Variants in EPM2A observed in about 807,000 individuals in gnomAD.
EPM2A encodes EPM2A glucan phosphatase, laforin.
EPM2A carries 21 observed loss-of-function variants against 26.5 expected under a neutral mutation model. That is an observed-to-expected ratio of 0.79 (90% confidence interval 0.56 to 1.14). The LOEUF (loss-of-function observed/expected upper bound fraction) is 1.14. EPM2A is among the 50% of genes most tolerant of loss of function. EPM2A has a pLI of 0.00. For synonymous variants in EPM2A, 217 were observed against 177.6 expected (o/e 1.22, Z -1.76); for missense variants, 458 against 440.8 (o/e 1.04, Z -0.35).
rs147545460 is a variant in EPM2A, at chr6:145,539,775, A to G, written c.341-37200T>C. ...TGCTTTGATGTATGGGGTCTTGCTGATCCTGAAGGGCTACCTCTCCCAGGG... is the reference window on the plus strand; with the variant it reads ...TGCTTTGATGTATGGGGTCTTGCTGGTCCTGAAGGGCTACCTCTCCCAGGG... On this transcript the variant is annotated intron_variant, in intron 2 of 3. Transcript: ENST00000450221. Among the ~76,000 whole-genome samples the G allele has an allele frequency of 1.5e-3, 229 of 152,242 alleles. 3 individuals carry two copies. Among genetic ancestry groups the G allele is most frequent in the African/African-American group, 5.3e-3 (222 of 41,540 alleles).
chr6:145,477,702 C>T (rs2114730618), intron 4 of EPM2A, among the ~76,000 whole-genome samples: 1 of 151,896 alleles, frequency 6.6e-6, no homozygotes, highest in Non-Finnish European at 1.5e-5. Flanking sequence ...TCAATTGATG[C>T]TGGAAAAGCA....
At chr6:145,404,627 A>G (rs1778541896) in intron 4 of EPM2A, among the ~76,000 whole-genome samples, 1 of 152,144 alleles carries the variant, frequency 6.6e-6, no homozygotes, top group African/African-American at 2.4e-5. Flanking sequence ...CTTTTAAATT[A>G]ACACCAAAGC....
At chr6:145,716,667 C>T (rs1467365468) in intron 1 of EPM2A, among the ~76,000 whole-genome samples, 3 of 152,044 alleles carry the variant, frequency 2.0e-5, no homozygotes, top group South Asian at 2.1e-4. Flanking sequence ...AGGATTCCTT[C>T]ACCCCAAAAT....
At chr6:145,448,822 A>G (rs1779156653) in intron 4 of EPM2A, among the ~76,000 whole-genome samples, 1 of 152,194 alleles carries the variant, frequency 6.6e-6, no homozygotes, top group Admixed American at 6.5e-5. Context: ...TTATTTTTAA[A>G]TAAAAAATAA....
intron 2 of EPM2A, among the ~76,000 whole-genome samples, chr6:145,539,958 C>T (rs576195034): frequency 1.3e-5 from 2 of 152,252 alleles, no homozygotes; most frequent in South Asian, 2.1e-4. Flanking sequence ...TTAGGCAACT[C>T]GAAACAGCTA....
At chr6:145,650,108 A>C (rs1313199215) in intron 2 of EPM2A, among the ~76,000 whole-genome samples, 1 of 151,910 alleles carries the variant, frequency 6.6e-6, no homozygotes, top group Non-Finnish European at 1.5e-5. Context: ...TGAGGATCAC[A>C]GATAGAAGAG....
intron 1 of EPM2A, among the ~76,000 whole-genome samples, chr6:145,732,617 T>G (rs549134468): frequency 6.6e-6 from 1 of 152,254 alleles, no homozygotes; most frequent in Admixed American, 6.5e-5. Flanking sequence ...TTAAATAAGT[T>G]GTAGAAGAAC....
chr6:145,466,362 C>T (rs1376784431), intron 4 of EPM2A, among the ~76,000 whole-genome samples: 1 of 152,178 alleles, frequency 6.6e-6, no homozygotes, highest in African/African-American at 2.4e-5. Context: ...CAAAGGAAGA[C>T]ATTTATGCAG....
At chr6:145,657,466 G>A (rs964594292) in intron 2 of EPM2A, among the ~76,000 whole-genome samples, 1 of 151,978 alleles carries the variant, frequency 6.6e-6, no homozygotes. Context: ...TTTTTACAAA[G>A]GTTCTTCTTC....
At chr6:145,499,084 T>C (rs184485342), downstream of EPM2A, among the ~76,000 whole-genome samples, 5 of 152,280 alleles carry the variant, frequency 3.3e-5, no homozygotes, top group East Asian at 9.6e-4. Context: ...ATAGCCAGAC[T>C]AAACTTTTAA....
chr6:145,712,271 A>C lies in EPM2A; in HGVS notation c.301+22927T>G, dbSNP rs984926168. Reference sequence around the variant, plus strand: ...CTTCTTGATAGGAAGAGGACCAATAATTAACAGCAGAAACAATAGCTGGGT... The same window carrying C: ...CTTCTTGATAGGAAGAGGACCAATACTTAACAGCAGAAACAATAGCTGGGT... On this transcript the variant is annotated intron_variant, in intron 1 of 3. Coordinates refer to ENST00000367519, the MANE Select transcript of EPM2A (RefSeq NM_005670.4). Among the ~76,000 whole-genome samples, 5 of 152,260 alleles carry C rather than the reference A, an allele frequency of 3.3e-5. No individual in the cohort carries two copies. In the East Asian group the frequency reaches 9.6e-4, roughly 29 times the overall value.
intron 4 of EPM2A, among the ~76,000 whole-genome samples, chr6:145,467,507 A>G (rs1779414839): frequency 6.6e-6 from 1 of 152,152 alleles, no homozygotes. Context: ...ATACAGCTTT[A>G]CACTATGTAT....
chr6:145,517,670 T>C (rs1402277011), intron 2 of EPM2A, among the ~76,000 whole-genome samples: 3 of 152,216 alleles, frequency 2.0e-5, no homozygotes, highest in Admixed American at 2.0e-4. Flanking sequence ...ATCTTTAATA[T>C]GCTCAGTTCA....
At chr6:145,608,647 A>G (rs950317689) in intron 2 of EPM2A, among the ~76,000 whole-genome samples, 3 of 152,218 alleles carry the variant, frequency 2.0e-5, no homozygotes, top group African/African-American at 7.2e-5. Context: ...AACAACAGAC[A>G]TGCAAAAGAA....
intron 2 of EPM2A, among the ~76,000 whole-genome samples, chr6:145,516,862 T>C (rs754140444): frequency 5.3e-5 from 8 of 152,206 alleles, no homozygotes; most frequent in Non-Finnish European, 8.8e-5. Context: ...TCCAAAAGAA[T>C]TGAAATCAGG....
At chr6:145,523,616 A>G (rs948883987) in intron 2 of EPM2A, among the ~76,000 whole-genome samples, 5 of 152,150 alleles carry the variant, frequency 3.3e-5, no homozygotes, top group African/African-American at 1.2e-4. Context: ...TGTTCTGACT[A>G]CTTCACAGAC....
At position 145,735,250 on chromosome 6, in the gene EPM2A, C is replaced by A; in HGVS notation, c.249G>T (p.Thr83=). 2 of 1,533,870 alleles carry A rather than the reference C, an allele frequency of 1.3e-6. No homozygotes were observed. The highest frequency in any genetic ancestry group is 1.8e-6 in the Non-Finnish European group (2 of 1,139,544). Residue 83 remains threonine, a synonymous_variant, in exon 1 of 4, where the codon ACG becomes ACT. Coordinates refer to ENST00000367519, the MANE Select transcript of EPM2A (RefSeq NM_005670.4). ...CCCGCTTCAGGAACTTGTACCAGAA[C>A]GTGTCCACGCGGCCCGGCTCCGCCC... ...QDGAEPGRVD[T]FWYKFLKREP... is the part of the protein sequence containing the mutation.
chr6:145,528,173 A>G (rs1254279055), intron 2 of EPM2A, among the ~76,000 whole-genome samples: 1 of 152,178 alleles, frequency 6.6e-6, no homozygotes, highest in Non-Finnish European at 1.5e-5. Context: ...CCATCCCCAT[A>G]ACACAAAAGT....
At chr6:145,516,102 A>G (rs1476455300) in intron 2 of EPM2A, among the ~76,000 whole-genome samples, 1 of 152,198 alleles carries the variant, frequency 6.6e-6, no homozygotes, top group Admixed American at 6.5e-5. Flanking sequence ...AAGTTACCAT[A>G]TCCTTGGGAG....
Sources: gnomAD v4.1 joint callset for allele counts (sites outside exome capture counted in the v4.1 genomes callset) on GRCh38, gnomAD v4.1.1 for gene constraint, MANE v1.5 for transcripts, NCBI Gene and HGNC (gene_info 2026-07-23, HGNC 2026-07-21) for gene names.